ERC2: variants seen among roughly 807,000 people sequenced by gnomAD.
ERC2 encodes the protein ERC protein 2.
Under a neutral mutation model 114.8 loss-of-function variants are expected in ERC2, and 42 were observed. The ratio of observed to expected loss-of-function variants is 0.37; its 90% CI spans 0.29 to 0.47. The LOEUF is 0.47. Among genes scored for constraint, ERC2 ranks in the 20% least tolerant of loss-of-function variants. The probability of loss-of-function intolerance (pLI) is 0.99; values close to 1 mark genes in which losing one functional copy is unlikely to be tolerated. For missense variants in ERC2, 939 were observed against 1,150.7 expected, an observed-to-expected ratio of 0.82 and a Z score of 2.66; for synonymous variants, 454 against 425.5, an observed-to-expected ratio of 1.07 and a Z score of -0.82.
intron 17 of ERC2, among the ~76,000 whole-genome samples, chr3:55,642,318 CTT>C: frequency 7.1e-6 from 1 of 141,450 alleles, no homozygotes; most frequent in African/African-American, 2.5e-5. Flanking sequence ...CAGATCACAG[CTT>C]TTTTTTTTTT....
chr3:56,276,474 A>AAAAAAAAC (rs1446116012), intron 3 of ERC2, among the ~76,000 whole-genome samples: 1 of 147,004 alleles, frequency 6.8e-6, no homozygotes. Flanking sequence ...AAAAAAAAAA[A>AAAAAAAAC]AAACAAACTC....
intron 3 of ERC2, among the ~76,000 whole-genome samples, chr3:56,256,210 G>A (rs769130380): frequency 6.6e-6 from 1 of 152,200 alleles, no homozygotes; most frequent in Non-Finnish European, 1.5e-5. Context: ...GACCTGCAGA[G>A]ACAACTAGGA....
chr3:56,270,558 T>C (rs1309383634), intron 3 of ERC2, among the ~76,000 whole-genome samples: 1 of 152,224 alleles, frequency 6.6e-6, no homozygotes, highest in African/African-American at 2.4e-5. Flanking sequence ...GTGACTATCA[T>C]GGCCAAATCT....
At chr3:55,640,896 A>T (rs761880771) in intron 17 of ERC2, among the ~76,000 whole-genome samples, 8 of 152,176 alleles carry the variant, frequency 5.3e-5, no homozygotes, top group Non-Finnish European at 1.2e-4. Flanking sequence ...TCATTCTCAG[A>T]CTGTGGGGAG....
chr3:56,316,225 A>G (rs1017257407), intron 2 of ERC2, among the ~76,000 whole-genome samples: 5 of 152,334 alleles, frequency 3.3e-5, no homozygotes, highest in Non-Finnish European at 7.4e-5. Flanking sequence ...TTTTGCTGTT[A>G]TCTTTGAACA....
intron 14 of ERC2, among the ~76,000 whole-genome samples, chr3:55,772,559 G>A (rs551315752): frequency 3.9e-5 from 6 of 152,288 alleles, no homozygotes; most frequent in East Asian, 3.9e-4. Context: ...CTCGTGATCC[G>A]CCTGCCTCGG....
intron 14 of ERC2, among the ~76,000 whole-genome samples, chr3:55,798,952 AT>A: frequency 6.6e-6 from 1 of 152,344 alleles, no homozygotes; most frequent in South Asian, 2.1e-4. Flanking sequence ...ATTTTTAAAA[AT>A]AATGTCCAAT....
intron 17 of ERC2, chr3:55,658,203 G>A (rs2060962623): frequency 6.6e-6 from 1 of 152,200 alleles, no homozygotes. Context: ...CATCATTCTT[G>A]TCTACTTTCC....
intron 2 of ERC2, among the ~76,000 whole-genome samples, chr3:56,306,186 C>T (rs1002935703): frequency 9.2e-5 from 14 of 151,998 alleles, no homozygotes; most frequent in African/African-American, 2.2e-4. Flanking sequence ...AGTACAATTG[C>T]GAGTCAAGCA....
chr3:56,137,925 T>C (rs1257137555), intron 6 of ERC2, among the ~76,000 whole-genome samples: 1 of 152,202 alleles, frequency 6.6e-6, no homozygotes, highest in Non-Finnish European at 1.5e-5. Flanking sequence ...TATTCACTGC[T>C]GCCTCCTCAA....
chr3:56,361,922 G>T (rs1360952262), intron 2 of ERC2, among the ~76,000 whole-genome samples: 1 of 152,196 alleles, frequency 6.6e-6, no homozygotes, highest in African/African-American at 2.4e-5. Flanking sequence ...CTCCCATGAT[G>T]CTGGCTCCAA....
At chr3:55,800,456 A>T (rs2070955561) in intron 14 of ERC2, among the ~76,000 whole-genome samples, 1 of 151,984 alleles carries the variant, frequency 6.6e-6, no homozygotes, top group Non-Finnish European at 1.5e-5. Flanking sequence ...GTTATGTTTT[A>T]AGTCACCACT....
intron 7 of ERC2, among the ~76,000 whole-genome samples, chr3:56,049,236 T>C (rs1353855994): frequency 6.6e-6 from 1 of 152,122 alleles, no homozygotes; most frequent in Non-Finnish European, 1.5e-5. Context: ...GAGCGCATGC[T>C]AAGGACACAG....
intron 4 of ERC2, among the ~76,000 whole-genome samples, chr3:56,159,129 G>A (rs149181648): frequency 4.6e-5 from 7 of 152,200 alleles, no homozygotes; most frequent in Admixed American, 1.3e-4. Flanking sequence ...CTGGCCATCT[G>A]ACTGTGACTC....
chr3:55,534,728 A>G (rs1167251), intron 17 of ERC2, among the ~76,000 whole-genome samples: 98,363 of 151,950 alleles, frequency 0.65, 33,296 homozygotes, highest in East Asian at 0.93. Flanking sequence ...CTGGTGCAAA[A>G]TAATAGCTCA....
At chr3:56,015,076 T>C (rs2073213569) in intron 8 of ERC2, among the ~76,000 whole-genome samples, 2 of 152,212 alleles carry the variant, frequency 1.3e-5, no homozygotes, top group African/African-American at 4.8e-5. Flanking sequence ...AACCAGCAAC[T>C]GTTTCTCCTC....
intron 15 of ERC2, among the ~76,000 whole-genome samples, chr3:55,723,728 G>T (rs1002057779): frequency 6.6e-6 from 1 of 152,144 alleles, no homozygotes; most frequent in Non-Finnish European, 1.5e-5. Context: ...TGAAAAAGCT[G>T]AAAAAGAAGA....
intron 13 of ERC2, among the ~76,000 whole-genome samples, chr3:55,905,674 C>T (rs998263168): frequency 2.6e-5 from 4 of 152,084 alleles, no homozygotes; most frequent in Non-Finnish European, 5.9e-5. Flanking sequence ...AATAAAACCC[C>T]AACTCCTTCC....
intron 3 of ERC2, among the ~76,000 whole-genome samples, chr3:56,283,420 C>T (rs889507398): frequency 2.0e-5 from 3 of 152,060 alleles, no homozygotes; most frequent in African/African-American, 7.2e-5. Context: ...CACTTAAGCC[C>T]AGGAGTTCAA....
Sources: allele counts gnomAD v4.1 joint callset (sites outside exome capture counted in the v4.1 genomes callset), GRCh38; gene constraint gnomAD v4.1.1; transcripts MANE v1.5; gene names NCBI Gene and HGNC (gene_info 2026-07-23, HGNC 2026-07-21).